FLNB: variants seen among roughly 807,000 people sequenced by gnomAD.
FLNB encodes the protein filamin B, also known as filamin-B.
A neutral mutation model predicts 250.6 loss-of-function variants in FLNB; 111 were observed. The ratio of observed to expected loss-of-function variants is 0.44; its 90% confidence interval spans 0.38 to 0.52. FLNB has a LOEUF of 0.52. Ranked by LOEUF, FLNB falls within the 20% of genes least tolerant of loss-of-function variation. The probability of loss-of-function intolerance (pLI) is 0.00; values close to 1 mark genes in which losing one functional copy is unlikely to be tolerated. For missense variants in FLNB, 2,869 were observed against 3,447.8 expected, an observed-to-expected ratio of 0.83 and a Z score of 4.20; for synonymous variants, 1,302 against 1,372.1, an observed-to-expected ratio of 0.95 and a Z score of 1.13.
chr3:58,139,719 A>C (rs1188028580), intron 29 of FLNB, among the ~76,000 whole-genome samples: 1 of 152,202 alleles, frequency 6.6e-6, no homozygotes, highest in East Asian at 1.9e-4. Context: ...CCTTATTCAC[A>C]GAGAAGGGTA....
intron 1 of FLNB, among the ~76,000 whole-genome samples, chr3:58,061,703 C>T (rs551273677): frequency 1.3e-5 from 2 of 151,182 alleles, no homozygotes; most frequent in African/African-American, 4.9e-5. Context: ...TGCACCACTG[C>T]ACTCCAGCCT....
At position 58,038,179 on chromosome 3, in the gene FLNB, G is replaced by A. The variant is rs181026011; in HGVS notation, c.292+29323G>A. Among the ~76,000 whole-genome samples, 547 of 152,094 alleles carry A rather than the reference G, an allele frequency of 3.6e-3. 4 individuals are homozygous for A. Among genetic ancestry groups the A allele is most frequent in the African/African-American group, 0.013 (524 of 41,508 alleles). On this transcript the variant is annotated intron_variant, in intron 1 of 45. Coordinates refer to ENST00000295956, the MANE Select transcript of FLNB (RefSeq NM_001457.4). Reference sequence around the variant, plus strand: ...CGAGTAGCTGGGATTACAGGTGCCCGCCACCATGCCCAGCTAATTTTTGTA... The same window carrying A: ...CGAGTAGCTGGGATTACAGGTGCCCACCACCATGCCCAGCTAATTTTTGTA...
chr3:58,079,234 A>G (rs1331934645), intron 3 of FLNB, among the ~76,000 whole-genome samples: 1 of 150,854 alleles, frequency 6.6e-6, no homozygotes, highest in Non-Finnish European at 1.5e-5. Flanking sequence ...CAATAGCTTA[A>G]GAAAAGTCAC....
At chr3:58,031,921 T>A (rs931822040) in intron 1 of FLNB, among the ~76,000 whole-genome samples, 2 of 151,634 alleles carry the variant, frequency 1.3e-5, no homozygotes. Context: ...TACCTTGTGT[T>A]TATTATTTTG....
chr3:58,054,696 G>A (rs1481811772), intron 1 of FLNB, among the ~76,000 whole-genome samples: 3 of 152,128 alleles, frequency 2.0e-5, no homozygotes, highest in South Asian at 2.1e-4. Context: ...TCCCTCCAAT[G>A]ACCTGTGGGG....
intron 1 of FLNB, among the ~76,000 whole-genome samples, chr3:58,012,392 C>T (rs1290415946): frequency 1.3e-5 from 2 of 151,898 alleles, no homozygotes; most frequent in Non-Finnish European, 2.9e-5. Flanking sequence ...TGGAGGTGAC[C>T]CAGCTAGCTA....
chr3:58,132,538 A>G (rs1187246374), intron 25 of FLNB: 8 of 531,824 alleles, frequency 1.5e-5, no homozygotes, highest in Non-Finnish European at 1.7e-5. Flanking sequence ...CAGCAAGCAC[A>G]GGCAGTCTCC....
Position 58,077,221 on chromosome 3 carries a change from G to A in FLNB, c.468G>A (p.Leu156=). 1.9e-6 allele frequency: 3 copies of A among 1,614,136 alleles called. No homozygotes were observed. The highest frequency in any genetic ancestry group is 1.7e-6 in the Non-Finnish European group (2 of 1,180,006). The part of the protein sequence containing the change: ...LGWIQNKIPY[L]PITNFNQNWQ... ...GGATTCAGAACAAGATCCCCTACTT[G>A]CCCATCACCAACTTTAACCAGAACT... is the stretch of plus-strand genomic sequence containing the variant. Residue 156 remains leucine, a synonymous_variant, in exon 2 of 46, where the codon TTG becomes TTA. Transcript: ENST00000295956.
chr3:58,083,601 A>C (rs2097212519), intron 4 of FLNB, among the ~76,000 whole-genome samples: 1 of 152,176 alleles, frequency 6.6e-6, no homozygotes, highest in Non-Finnish European at 1.5e-5. Flanking sequence ...TCCTGGCCTC[A>C]GGTGATCTGC....
chr3:58,083,257 T>TTA, intron 4 of FLNB, among the ~76,000 whole-genome samples: 1 of 136,838 alleles, frequency 7.3e-6, no homozygotes, highest in African/African-American at 2.6e-5. Flanking sequence ...TTTTTTTTTT[T>TTA]AAATGACACT....
intron 18 of FLNB, among the ~76,000 whole-genome samples, chr3:58,118,364 G>T (rs2107155155): frequency 6.6e-6 from 1 of 152,320 alleles, no homozygotes; most frequent in East Asian, 1.9e-4. Flanking sequence ...TTGGTGAGTG[G>T]CCCCAGGCCC....
intron 1 of FLNB, among the ~76,000 whole-genome samples, chr3:58,045,079 G>A (rs560872873): frequency 1.3e-5 from 2 of 152,156 alleles, no homozygotes; most frequent in Non-Finnish European, 2.9e-5. Context: ...CTGGGTGAAG[G>A]GATGTGCCCC....
Position 58,159,625 on chromosome 3 carries a change from T to C in FLNB, c.6960T>C (p.Asp2320=). The part of the protein sequence containing the change: ...IRLNGAKGKI[D]AKVHSPSGAV... Reference sequence around the variant, plus strand: ...TGAATGGCGCAAAAGGCAAGATTGATGCAAAGGTGCACAGCCCCTCTGGAG... The same window carrying C: ...TGAATGGCGCAAAAGGCAAGATTGACGCAAAGGTGCACAGCCCCTCTGGAG... Residue 2320 remains aspartate, a synonymous_variant, in exon 42 of 46, where the codon GAT becomes GAC. Transcript: ENST00000295956. The C allele has an allele frequency of 1.9e-6, 3 of 1,613,974 alleles. No individual in the cohort carries two copies. Among genetic ancestry groups the C allele is most frequent in the Non-Finnish European group, 2.5e-6 (3 of 1,180,018 alleles).
intron 18 of FLNB, among the ~76,000 whole-genome samples, chr3:58,116,361 C>T (rs1444317051): frequency 2.0e-5 from 3 of 152,222 alleles, no homozygotes; most frequent in Non-Finnish European, 1.5e-5. Flanking sequence ...AGAAAGGTGG[C>T]TGCTTGGGCA....
Position 58,169,168 on chromosome 3 carries a change from A to C in FLNB, c.7418-422A>C, listed in dbSNP as rs1367323246. 5 of 271,522 alleles carry C rather than the reference A, an allele frequency of 1.8e-5. No homozygotes were observed. The highest frequency in any genetic ancestry group is 1.1e-4 in the African/African-American group (5 of 45,380). 16.8% of individuals were successfully genotyped at this position (271,522 alleles called of 1,614,324 possible). On this transcript the variant is annotated intron_variant, in intron 44 of 45. Coordinates refer to ENST00000295956, the MANE Select transcript of FLNB (RefSeq NM_001457.4). The surrounding 1 kb of genome is among the most constrained non-coding windows in gnomAD (Gnocchi z 4.8). The stretch of plus-strand genomic sequence containing the variant: ...AATGTAGGTTCATCGCAGGAAAATT[A>C]GAAAATTCAGATAGAAAAATCATCC...
At chr3:58,152,371 G>A (rs1157660438) in intron 38 of FLNB, among the ~76,000 whole-genome samples, 2 of 152,196 alleles carry the variant, frequency 1.3e-5, no homozygotes, top group African/African-American at 4.8e-5. Context: ...CCTCACAGTT[G>A]TGGAGGCTGG....
rs141229025 is a variant in FLNB at position 58,040,411 on chromosome 3, G to A, written c.292+31555G>A. Among the ~76,000 whole-genome samples the A allele has an allele frequency of 1.6e-3, 240 of 152,276 alleles. 1 individual carries two copies. Among genetic ancestry groups the A allele is most frequent in the Admixed American group, 3.5e-3 (53 of 15,302 alleles). The stretch of plus-strand genomic sequence containing the variant: ...CCATTGGCCCTCTCATTAAGGTGGG[G>A]GCAGCTTCTGGTCCATGCCTGCAAG... On this transcript the variant is annotated intron_variant, in intron 1 of 45. Transcript: ENST00000295956.
intron 1 of FLNB, among the ~76,000 whole-genome samples, chr3:58,048,674 T>C (rs2097157825): frequency 6.6e-6 from 1 of 152,218 alleles, no homozygotes; most frequent in Non-Finnish European, 1.5e-5. Context: ...TTGTAATTGG[T>C]AAGTAATCTT....
chr3:58,059,562 T>C (rs6768369), intron 1 of FLNB, among the ~76,000 whole-genome samples: 3,685 of 152,266 alleles, frequency 0.024, 119 homozygotes, highest in African/African-American at 0.083. Context: ...GTGGACTGCG[T>C]CTCCAGCCAC....
Sources: gnomAD v4.1 joint callset for allele counts (sites outside exome capture counted in the v4.1 genomes callset) on GRCh38, gnomAD v4.1.1 for gene constraint, Gnocchi (gnomAD v3.1) non-coding constraint, MANE v1.5 for transcripts, NCBI Gene and HGNC (gene_info 2026-07-23, HGNC 2026-07-21) for gene names.